B3GALT1: variants seen among roughly 807,000 people sequenced by gnomAD.
B3GALT1 encodes UDP-Gal:betaGlcNAc beta 1,3-galactosyltransferase, polypeptide 1.
B3GALT1 carries 10 observed loss-of-function variants against 23.2 expected under a neutral mutation model. The observed-to-expected ratio is 0.43, with a 90% CI of 0.27 to 0.73. The LOEUF is 0.73. B3GALT1 is among the 30% of genes least tolerant of loss of function. B3GALT1 has a pLI of 0.21. For synonymous variants in B3GALT1, 156 were observed against 141.5 expected (o/e 1.10, Z -0.73); for missense variants, 299 against 405.4 (o/e 0.74, Z 2.25).
chr2:167,611,375 CT>C, intron 2 of B3GALT1, among the ~76,000 whole-genome samples: 1 of 151,916 alleles, frequency 6.6e-6, no homozygotes, highest in Non-Finnish European at 1.5e-5. Context: ...GCAAACTGCC[CT>C]TTCTGGAGGT....
chr2:167,445,998 G>A (rs548613706), intron 1 of B3GALT1, among the ~76,000 whole-genome samples: 73 of 152,290 alleles, frequency 4.8e-4, no homozygotes, highest in African/African-American at 1.7e-3. Context: ...GCAGTGGCTG[G>A]TACTGGTTGT....
chr2:167,646,814 G>C (rs1685755227), intron 2 of B3GALT1, among the ~76,000 whole-genome samples, 95 bp from the exon 3 acceptor site: 1 of 151,990 alleles, frequency 6.6e-6, no homozygotes, highest in Non-Finnish European at 1.5e-5. Context: ...TTTGAAAGTG[G>C]GTGTCTATTA....
chr2:167,644,006 G>A (rs1468703532), intron 2 of B3GALT1, among the ~76,000 whole-genome samples: 1 of 152,138 alleles, frequency 6.6e-6, no homozygotes, highest in Non-Finnish European at 1.5e-5. Context: ...TAGCAGTGCA[G>A]ACAAGAGAAG....
chr2:167,562,039 C>T (rs371921838), intron 2 of B3GALT1, among the ~76,000 whole-genome samples: 140 of 152,298 alleles, frequency 9.2e-4, no homozygotes, highest in African/African-American at 2.6e-3. Context: ...TTGATGAACA[C>T]TGATGCAAAA....
At chr2:167,393,193 C>T (rs1323383851) in intron 1 of B3GALT1, among the ~76,000 whole-genome samples, 2 of 150,334 alleles carry the variant, frequency 1.3e-5, no homozygotes, top group Admixed American at 1.3e-4. Flanking sequence ...GAGATTGCGC[C>T]ACTGCACTCC....
chr2:167,804,799 G>A (rs1189717268), intron 3 of B3GALT1, among the ~76,000 whole-genome samples: 2 of 152,106 alleles, frequency 1.3e-5, no homozygotes, highest in Non-Finnish European at 2.9e-5. Context: ...GTGTGCATGT[G>A]TCTTTATAGC....
intron 3 of B3GALT1, chr2:167,714,946 A>G: frequency 6.2e-7 from 1 of 1,611,568 alleles, no homozygotes; most frequent in Non-Finnish European, 8.5e-7. Flanking sequence ...TCTGATTCTC[A>G]CTTTCAAAAT....
At chr2:167,312,412 A>G (rs1327829062) in intron 1 of B3GALT1, among the ~76,000 whole-genome samples, 2 of 152,064 alleles carry the variant, frequency 1.3e-5, no homozygotes, top group Non-Finnish European at 2.9e-5. Flanking sequence ...TTGATAAGTT[A>G]AGGATGCATG....
intron 3 of B3GALT1, among the ~76,000 whole-genome samples, chr2:167,735,175 A>G (rs554759680): frequency 1.3e-5 from 2 of 152,336 alleles, no homozygotes. Flanking sequence ...AATTTCCAAA[A>G]CCACACAGAG....
intron 3 of B3GALT1, among the ~76,000 whole-genome samples, chr2:167,696,637 C>T (rs1686796132): frequency 1.3e-5 from 2 of 152,162 alleles, no homozygotes; most frequent in African/African-American, 4.8e-5. Context: ...GCCAACCTCA[C>T]ATATAATAAA....
intron 3 of B3GALT1, among the ~76,000 whole-genome samples, chr2:167,780,011 G>T (rs371751386): frequency 6.6e-6 from 1 of 152,174 alleles, no homozygotes; most frequent in Non-Finnish European, 1.5e-5. Flanking sequence ...AAAGCCATTT[G>T]TTAACTGCCA....
intron 3 of B3GALT1, among the ~76,000 whole-genome samples, chr2:167,744,753 G>C (rs112187770): frequency 6.6e-6 from 1 of 151,930 alleles, no homozygotes; most frequent in East Asian, 1.9e-4. Flanking sequence ...CACCACGCCC[G>C]GCTAATTTTG....
At chr2:167,667,357 G>A (rs1372965109) in intron 3 of B3GALT1, among the ~76,000 whole-genome samples, 11 of 152,246 alleles carry the variant, frequency 7.2e-5, no homozygotes, top group East Asian at 3.9e-4. Flanking sequence ...AGGGTAACCC[G>A]ACCTTTCTCT....
intron 3 of B3GALT1, among the ~76,000 whole-genome samples, chr2:167,684,388 G>A (rs932622822): frequency 1.3e-5 from 2 of 152,130 alleles, no homozygotes; most frequent in African/African-American, 4.8e-5. Flanking sequence ...AATTTCAATA[G>A]AGGAATAAAT....
At chr2:167,600,652 A>G (rs1199889207) in intron 2 of B3GALT1, among the ~76,000 whole-genome samples, 4 of 152,102 alleles carry the variant, frequency 2.6e-5, no homozygotes, top group Non-Finnish European at 1.5e-5. Context: ...ATCTTTTGTG[A>G]CTGGTTTCTG....
At chr2:167,507,855 G>A (rs1291031539) in intron 2 of B3GALT1, among the ~76,000 whole-genome samples, 1 of 152,198 alleles carries the variant, frequency 6.6e-6, no homozygotes, top group Non-Finnish European at 1.5e-5. Context: ...CTTAGTGAAT[G>A]TCTTAGTTCA....
chr2:167,394,083 AAATT>A (rs1376850352), intron 1 of B3GALT1, among the ~76,000 whole-genome samples: 1 of 152,170 alleles, frequency 6.6e-6, no homozygotes, highest in Non-Finnish European at 1.5e-5. Flanking sequence ...TTTAGCTGTG[AAATT>A]AATCCAAAGT....
chr2:167,391,350 A>G (rs919897735), intron 1 of B3GALT1, among the ~76,000 whole-genome samples: 2 of 152,164 alleles, frequency 1.3e-5, no homozygotes, highest in African/African-American at 4.8e-5. Flanking sequence ...CTTTTATTTT[A>G]GCTCATTTGT....
intron 2 of B3GALT1, among the ~76,000 whole-genome samples, chr2:167,513,381 G>T (rs917882217): frequency 4.6e-5 from 7 of 152,122 alleles, no homozygotes; most frequent in Admixed American, 2.6e-4. Flanking sequence ...AAGAAATAGA[G>T]ACATACAAAG....
Sources: allele counts gnomAD v4.1 joint callset (sites outside exome capture counted in the v4.1 genomes callset), GRCh38; gene constraint gnomAD v4.1.1; transcripts MANE v1.5; gene names NCBI Gene and HGNC (gene_info 2026-07-23, HGNC 2026-07-21).